The following NRXN3 variants were observed in gnomAD, a reference collection of about 807,000 sequenced individuals.
NRXN3 encodes neurexin III.
In NRXN3, 32 loss-of-function variants were observed where a neutral mutation model predicts 137.6. That is an observed-to-expected ratio of 0.23 (90% confidence interval 0.18 to 0.31). The LOEUF is 0.31. NRXN3 is among the 10% of genes least tolerant of loss of function. The pLI, the probability that NRXN3 is intolerant of heterozygous loss-of-function variation, is 1.00. For missense variants in NRXN3, 1,574 were observed against 2,062.5 expected (o/e 0.76, Z 4.59); for synonymous variants, 798 against 784.5 (o/e 1.02, Z -0.29).
intron 10 of NRXN3, among the ~76,000 whole-genome samples, chr14:78,939,973 T>A (rs1232990428): frequency 6.6e-6 from 1 of 152,236 alleles, no homozygotes; most frequent in Non-Finnish European, 1.5e-5. Context: ...TCTTAAATAA[T>A]GCAGCAAACA....
At chr14:78,474,277 C>G (rs1056496023) in intron 4 of NRXN3, among the ~76,000 whole-genome samples, 2 of 152,060 alleles carry the variant, frequency 1.3e-5, no homozygotes, top group African/African-American at 4.8e-5. Flanking sequence ...AGTGATTAAG[C>G]CTATATTGGA....
chr14:78,784,706 G>T (rs1401916624), intron 8 of NRXN3, among the ~76,000 whole-genome samples: 2 of 152,170 alleles, frequency 1.3e-5, no homozygotes, highest in African/African-American at 4.8e-5. Flanking sequence ...ATGTAGGGGG[G>T]ATCATTAGGA....
At chr14:78,314,881 CTTTCTTTCTTTCTCTTTCTTTCTTTCTTT>C (rs2078396431) in intron 4 of NRXN3, among the ~76,000 whole-genome samples, 7 of 99,276 alleles carry the variant, frequency 7.1e-5, no homozygotes, top group Admixed American at 9.9e-5. Context: ...CTTTTCCGTT[CTTTCTTTCTTTCTCTTTCTTTCTTTCTTT>C]CTTTCTTTCT....
At chr14:78,245,666 G>A (rs2067567560) in intron 2 of NRXN3, among the ~76,000 whole-genome samples, 1 of 152,158 alleles carries the variant, frequency 6.6e-6, no homozygotes, top group East Asian at 1.9e-4. Context: ...TTTCCCAGGT[G>A]GTACCTGCTG....
At chr14:78,765,178 AG>A (rs1247241592) in intron 8 of NRXN3, among the ~76,000 whole-genome samples, 1 of 151,796 alleles carries the variant, frequency 6.6e-6, no homozygotes, top group Non-Finnish European at 1.5e-5. Flanking sequence ...TTTGAAATGG[AG>A]TTTCACTCTT....
chr14:78,365,508 G>A (rs2085790748), intron 4 of NRXN3, among the ~76,000 whole-genome samples: 1 of 152,144 alleles, frequency 6.6e-6, no homozygotes, highest in Non-Finnish European at 1.5e-5. Context: ...TCTGGAAGTA[G>A]CTATATCACT....
chr14:79,414,109 G>A (rs907170597), intron 15 of NRXN3, among the ~76,000 whole-genome samples: 2 of 151,982 alleles, frequency 1.3e-5, no homozygotes, highest in Non-Finnish European at 2.9e-5. Context: ...ACCATTCTGC[G>A]GGGGAGTGGG....
chr14:78,353,061 G>T (rs1302312452), intron 4 of NRXN3, among the ~76,000 whole-genome samples: 1 of 152,154 alleles, frequency 6.6e-6, no homozygotes, highest in Non-Finnish European at 1.5e-5. Flanking sequence ...TAAAATTCTA[G>T]ATTCTTAGGA....
intron 16 of NRXN3, among the ~76,000 whole-genome samples, chr14:79,557,991 A>G (rs2097448367): frequency 6.6e-6 from 1 of 152,140 alleles, no homozygotes; most frequent in African/African-American, 2.4e-5. Flanking sequence ...TGTTCACGAC[A>G]TGTTTACCAA....
intron 16 of NRXN3, among the ~76,000 whole-genome samples, chr14:79,580,097 T>TCTC (rs1209176229): frequency 1.3e-5 from 2 of 152,214 alleles, no homozygotes; most frequent in African/African-American, 4.8e-5. Context: ...TCTAGTTTCA[T>TCTC]CCATGTTGCT....
chr14:78,205,910 A>G (rs2062140593), intron 1 of NRXN3, among the ~76,000 whole-genome samples: 1 of 152,250 alleles, frequency 6.6e-6, no homozygotes, highest in Admixed American at 6.5e-5. Flanking sequence ...AGTCTAGGTC[A>G]ACAATTCAGG....
intron 15 of NRXN3, among the ~76,000 whole-genome samples, chr14:79,137,387 A>G (rs969105418): frequency 2.0e-5 from 3 of 152,174 alleles, no homozygotes; most frequent in South Asian, 2.1e-4. Flanking sequence ...GTGTGAATCA[A>G]TTATGAAAAG....
intron 15 of NRXN3, among the ~76,000 whole-genome samples, chr14:79,443,227 G>A (rs779674065): frequency 6.6e-6 from 1 of 152,204 alleles, no homozygotes; most frequent in Non-Finnish European, 1.5e-5. Context: ...TGAAATGCAT[G>A]TCTTTAGCTT....
intron 19 of NRXN3, among the ~76,000 whole-genome samples, chr14:79,775,553 GAAAAAAAAA>G (rs749252781): frequency 0.037 from 2,589 of 69,042 alleles, 91 homozygotes; most frequent in African/African-American, 0.11. Flanking sequence ...GGCTCTAACC[GAAAAAAAAA>G]AAAAAAAAAA....
At chr14:79,462,931 T>TATGTACATACACA (rs1262728428) in intron 15 of NRXN3, among the ~76,000 whole-genome samples, 2 of 152,134 alleles carry the variant, frequency 1.3e-5, no homozygotes, top group African/African-American at 2.4e-5. Flanking sequence ...TATGTATATA[T>TATGTACATACACA]TATTTGTATA....
chr14:79,470,452 G>A (rs897627310), intron 16 of NRXN3, among the ~76,000 whole-genome samples: 3 of 152,050 alleles, frequency 2.0e-5, no homozygotes, highest in Non-Finnish European at 4.4e-5. Context: ...ATGGCAGAAG[G>A]GCAGAAAGAG....
chr14:79,127,526 T>C (rs2056733159), intron 15 of NRXN3, among the ~76,000 whole-genome samples: 1 of 152,208 alleles, frequency 6.6e-6, no homozygotes, highest in African/African-American at 2.4e-5. Flanking sequence ...TTCTGTTCCA[T>C]TGATCTATAA....
At chr14:78,770,749 A>G (rs2098724473) in intron 8 of NRXN3, among the ~76,000 whole-genome samples, 1 of 152,316 alleles carries the variant, frequency 6.6e-6, no homozygotes, top group East Asian at 1.9e-4. Flanking sequence ...TGCAAAGAAG[A>G]TACTTGGAGA....
intron 4 of NRXN3, among the ~76,000 whole-genome samples, chr14:78,617,017 T>A (rs1302628364): frequency 6.6e-6 from 1 of 152,214 alleles, no homozygotes; most frequent in Non-Finnish European, 1.5e-5. Flanking sequence ...CACCCCCCAC[T>A]GCACTAACCT....
Sources: gnomAD v4.1 joint callset for allele counts (sites outside exome capture counted in the v4.1 genomes callset) on GRCh38, gnomAD v4.1.1 for gene constraint, MANE v1.5 for transcripts, NCBI Gene and HGNC (gene_info 2026-07-23, HGNC 2026-07-21) for gene names.